RBFOX1: variants seen among roughly 807,000 people sequenced by gnomAD.
RBFOX1 encodes the protein RNA binding fox-1 homolog 1.
Under a neutral mutation model 57.7 loss-of-function variants are expected in RBFOX1, and 8 were observed. That is an observed-to-expected ratio of 0.14 (90% CI 0.08 to 0.25). RBFOX1 has a LOEUF of 0.25. Ranked by LOEUF, RBFOX1 falls within the 10% of genes least tolerant of loss-of-function variation. RBFOX1 has a pLI of 1.00. For missense variants in RBFOX1, 611 were observed against 548.5 expected (o/e 1.11, Z -1.14); for synonymous variants, 326 against 222.4 (o/e 1.47, Z -4.15).
At chr16:5,846,129 C>G (rs2056750313) in intron 3 of RBFOX1, among the ~76,000 whole-genome samples, 1 of 151,588 alleles carries the variant, frequency 6.6e-6, no homozygotes, top group Admixed American at 6.6e-5. Context: ...TTGCAGTGAG[C>G]CAAGATCGTG....
intron 3 of RBFOX1, among the ~76,000 whole-genome samples, chr16:6,712,119 A>G (rs942029700): frequency 1.3e-5 from 2 of 152,180 alleles, no homozygotes; most frequent in African/African-American, 4.8e-5. Context: ...AGGCTTAACA[A>G]ATATTTATTG....
chr16:7,401,215 G>A (rs910665940), intron 4 of RBFOX1, among the ~76,000 whole-genome samples: 12 of 152,298 alleles, frequency 7.9e-5, no homozygotes, highest in East Asian at 3.9e-4. Context: ...AGTAGTTGGC[G>A]TAAAACCATT....
intron 4 of RBFOX1, among the ~76,000 whole-genome samples, chr16:5,932,676 A>C (rs574495834): frequency 6.6e-6 from 1 of 152,222 alleles, no homozygotes; most frequent in Admixed American, 6.5e-5. Flanking sequence ...AGTTTCATCA[A>C]TGTCATGGAA....
intron 2 of RBFOX1, among the ~76,000 whole-genome samples, chr16:6,413,799 C>G (rs2093542699): frequency 6.6e-6 from 1 of 152,192 alleles, no homozygotes; most frequent in African/African-American, 2.4e-5. Flanking sequence ...CAGCTCTCCT[C>G]TACACACTCA....
intron 4 of RBFOX1, among the ~76,000 whole-genome samples, chr16:7,513,076 C>T (rs2075532779): frequency 5.3e-5 from 1 of 18,934 alleles, no homozygotes; most frequent in South Asian, 3.0e-3. Context: ...CCAGCCTGGC[C>T]AACAGTAAAA....
At chr16:5,724,813 C>G (rs1018298166) in intron 3 of RBFOX1, among the ~76,000 whole-genome samples, 1 of 152,250 alleles carries the variant, frequency 6.6e-6, no homozygotes, top group African/African-American at 2.4e-5. Context: ...CTACACCAGC[C>G]CACTAACATA....
intron 2 of RBFOX1, among the ~76,000 whole-genome samples, chr16:5,578,214 T>G (rs542960585): frequency 7.6e-4 from 116 of 152,224 alleles, no homozygotes; most frequent in Non-Finnish European, 8.8e-5. Flanking sequence ...CCTCCCAGAG[T>G]GCTGGGATTA....
intron 1 of RBFOX1, among the ~76,000 whole-genome samples, chr16:6,183,384 G>A (rs1287582398): frequency 4.6e-5 from 7 of 152,020 alleles, no homozygotes; most frequent in African/African-American, 1.7e-4. Flanking sequence ...GGAGGCTGAG[G>A]CAGGATAATA....
intron 4 of RBFOX1, among the ~76,000 whole-genome samples, chr16:5,942,884 G>A (rs114868518): frequency 0.04 from 6,119 of 152,292 alleles, 425 homozygotes; most frequent in African/African-American, 0.14. Flanking sequence ...CATTGTGGTT[G>A]CCATCTTTAT....
At chr16:5,248,154 C>G (rs556230461) in intron 1 of RBFOX1, among the ~76,000 whole-genome samples, 99 of 152,278 alleles carry the variant, frequency 6.5e-4, no homozygotes, top group African/African-American at 2.2e-3. Context: ...ATGGAGCCCC[C>G]AAATTACTAG....
intron 3 of RBFOX1, among the ~76,000 whole-genome samples, chr16:6,675,798 T>A (rs1195292060): frequency 6.6e-6 from 1 of 152,114 alleles, no homozygotes; most frequent in Admixed American, 6.5e-5. Context: ...GGAAAACCAC[T>A]GCTACGAATC....
At chr16:6,346,947 T>C (rs12922093) in intron 2 of RBFOX1, among the ~76,000 whole-genome samples, 33,408 of 152,134 alleles carry the variant, frequency 0.22, 4,053 homozygotes, top group Middle Eastern at 0.33. Context: ...AGGATATTTA[T>C]TGAGATTTCA....
At chr16:7,505,343 T>C (rs2072916280) in intron 4 of RBFOX1, among the ~76,000 whole-genome samples, 1 of 152,072 alleles carries the variant, frequency 6.6e-6, no homozygotes, top group African/African-American at 2.4e-5. Context: ...TGTCATACTT[T>C]GACAGAGGTT....
intron 2 of RBFOX1, among the ~76,000 whole-genome samples, chr16:6,652,886 A>G (rs1186497561): frequency 1.3e-5 from 2 of 152,216 alleles, no homozygotes; most frequent in Non-Finnish European, 2.9e-5. Flanking sequence ...TGCACCTACC[A>G]TGGTAAAATT....
chr16:7,546,582 A>G (rs1272618049), intron 5 of RBFOX1, among the ~76,000 whole-genome samples: 2 of 152,186 alleles, frequency 1.3e-5, no homozygotes, highest in African/African-American at 4.8e-5. Flanking sequence ...AATGTTTGAC[A>G]AAAAATTAGA....
At chr16:7,265,488 A>T (rs750830643) in intron 4 of RBFOX1, among the ~76,000 whole-genome samples, 1 of 151,478 alleles carries the variant, frequency 6.6e-6, no homozygotes, top group Non-Finnish European at 1.5e-5. Flanking sequence ...TTGCTCTGTC[A>T]CCCAGGCTGG....
At chr16:5,632,419 G>C (rs943511367) in intron 3 of RBFOX1, 2 of 152,210 alleles carry the variant, frequency 1.3e-5, no homozygotes, top group Non-Finnish European at 2.9e-5. Context: ...GTATGTTGTG[G>C]TGAGAATCAA....
At chr16:6,953,982 C>T (rs1203222197) in intron 3 of RBFOX1, among the ~76,000 whole-genome samples, 1 of 152,108 alleles carries the variant, frequency 6.6e-6, no homozygotes, top group Admixed American at 6.6e-5. Context: ...GTTTTACATA[C>T]CCGATAGGTC....
intron 4 of RBFOX1, among the ~76,000 whole-genome samples, chr16:7,182,459 T>G (rs967896163): frequency 6.6e-6 from 1 of 152,218 alleles, no homozygotes; most frequent in African/African-American, 2.4e-5. Flanking sequence ...GCAGCTGAAT[T>G]TCTGTTGTCT....
Sources: allele counts gnomAD v4.1 joint callset (sites outside exome capture counted in the v4.1 genomes callset), GRCh38; gene constraint gnomAD v4.1.1; transcripts MANE v1.5; gene names NCBI Gene and HGNC (gene_info 2026-07-23, HGNC 2026-07-21).